GNPTAB: variants seen among roughly 807,000 people sequenced by gnomAD.
The protein encoded by GNPTAB is N-acetylglucosamine-1-phosphate transferase subunits alpha and beta.
In GNPTAB, 92 loss-of-function variants were observed where a neutral mutation model predicts 136.6. That is an observed-to-expected ratio of 0.67 (90% CI 0.57 to 0.80). The LOEUF (loss-of-function observed/expected upper bound fraction) is 0.80. GNPTAB is among the 30% of genes least tolerant of loss of function. The pLI is 0.00. For missense variants in GNPTAB, 1,343 were observed against 1,501.8 expected (o/e 0.89, Z 1.75); for synonymous variants, 512 against 535.1 (o/e 0.96, Z 0.60).
chr12:101,759,641 A>G (rs78535579), intron 16 of GNPTAB, among the ~76,000 whole-genome samples: 1,709 of 152,266 alleles, frequency 0.011, 40 homozygotes, highest in African/African-American at 0.039. Flanking sequence ...CCTACTGGTA[A>G]AATGGAGTAA....
intron 16 of GNPTAB, among the ~76,000 whole-genome samples, chr12:101,758,851 CT>C (rs1269949337): frequency 6.6e-6 from 1 of 152,160 alleles, no homozygotes; most frequent in East Asian, 1.9e-4. Context: ...AAAAATACCA[CT>C]TCATTCTGAT....
At chr12:101,802,634 C>T (rs1869712836) in intron 1 of GNPTAB, among the ~76,000 whole-genome samples, 1 of 152,116 alleles carries the variant, frequency 6.6e-6, no homozygotes, top group Admixed American at 6.5e-5. Flanking sequence ...ACTGGAAAAA[C>T]CTCCAGGCCT....
At chr12:101,792,420 T>A (rs1007788173) in intron 2 of GNPTAB, among the ~76,000 whole-genome samples, 10 of 152,214 alleles carry the variant, frequency 6.6e-5, no homozygotes, top group Non-Finnish European at 1.2e-4. Flanking sequence ...GATAGCTGAG[T>A]ACTTACCAAA....
chr12:101,811,938 G>A (rs1472562404), intron 1 of GNPTAB, among the ~76,000 whole-genome samples: 1 of 149,666 alleles, frequency 6.7e-6, no homozygotes, highest in Non-Finnish European at 1.5e-5. Context: ...GCGTCCGGCC[G>A]GTGCTACACA....
intron 6 of GNPTAB, 105 bp downstream of exon 6, chr12:101,780,452 G>A (rs1318431417): frequency 7.4e-6 from 8 of 1,077,684 alleles, no homozygotes; most frequent in African/African-American, 1.6e-5. Flanking sequence ...GCTACCCTTA[G>A]ATAAAAAATA....
rs1270082983 is a variant in GNPTAB, at chr12:101,764,425, G to A, written c.2492C>T (p.Thr831Ile). 2 of 1,613,022 alleles carry A rather than the reference G, an allele frequency of 1.2e-6. No individual in the cohort carries two copies. Among genetic ancestry groups the A allele is most frequent in the African/African-American group, 1.3e-5 (1 of 74,806 alleles). ...AATCAGAGATGGGGGCTTTTCTTTT[G>A]TCACATTTCCGCCTATGGTTTTTTG... ...HTQKTIGGNV[T>I]KEKPPSLIVP... The change falls in exon 13 of 21, where the codon ACA becomes ATA. Residue 831 changes from threonine to isoleucine, a missense_variant. By Grantham distance (89) the Thr-to-Ile change is moderately conservative. Coordinates refer to ENST00000299314, the MANE Select transcript of GNPTAB (RefSeq NM_024312.5).
At chr12:101,800,821 A>G (rs1242800890) in intron 1 of GNPTAB, among the ~76,000 whole-genome samples, 1 of 151,994 alleles carries the variant, frequency 6.6e-6, no homozygotes, top group Non-Finnish European at 1.5e-5. Context: ...CAGCAGCCCT[A>G]TAATTAAAAA....
At chr12:101,749,864 T>A (rs1029475300) in intron 19 of GNPTAB, among the ~76,000 whole-genome samples, 1 of 152,210 alleles carries the variant, frequency 6.6e-6, no homozygotes, top group Non-Finnish European at 1.5e-5. Flanking sequence ...CGAGAGGGTA[T>A]GAACTGCAGC....
At chr12:101,794,552 A>G (rs1395549487) in intron 2 of GNPTAB, among the ~76,000 whole-genome samples, 2 of 152,110 alleles carry the variant, frequency 1.3e-5, no homozygotes, top group Non-Finnish European at 2.9e-5. Flanking sequence ...AAATATATCA[A>G]TGTTATGGTA....
chr12:101,745,790 T>G lies in GNPTAB; in HGVS notation c.*1374A>C, dbSNP rs1000555828. ...GGCTTATGCCTGTAATCTCAGCACTTTGGGAGGCAGAGGCAGGTGGATCAC... is the reference window on the plus strand; with the variant it reads ...GGCTTATGCCTGTAATCTCAGCACTGTGGGAGGCAGAGGCAGGTGGATCAC... On this transcript the variant is annotated 3_prime_UTR_variant, in exon 21 of 21. Coordinates refer to ENST00000299314, the MANE Select transcript of GNPTAB (RefSeq NM_024312.5). 1 of 152,204 alleles carries G rather than the reference T, an allele frequency of 6.6e-6. No homozygotes were observed. Among genetic ancestry groups the G allele is most frequent in the African/African-American group, 2.4e-5 (1 of 41,426 alleles). The allele number at this position is 152,204 out of a possible 1,614,324, so 9.4% of individuals were successfully genotyped here.
chr12:101,785,904 A>C, intron 5 of GNPTAB, 108 bp downstream of exon 5: 1 of 903,020 alleles, frequency 1.1e-6, no homozygotes, highest in Non-Finnish European at 1.7e-6. Flanking sequence ...CATTTTTAGA[A>C]AAGTTTATCA....
chr12:101,787,607 A>C (rs1027343336), intron 4 of GNPTAB, among the ~76,000 whole-genome samples: 13 of 152,214 alleles, frequency 8.5e-5, no homozygotes, highest in African/African-American at 3.1e-4. Context: ...AATTAACATA[A>C]AAGATAGCTT....
At chr12:101,766,855 A>C (rs1353166312) in intron 11 of GNPTAB, among the ~76,000 whole-genome samples, 1 of 152,222 alleles carries the variant, frequency 6.6e-6, no homozygotes. Context: ...CAGGGCTTAC[A>C]TTTGCTCAAG....
intron 2 of GNPTAB, among the ~76,000 whole-genome samples, chr12:101,790,509 T>A (rs777009268): frequency 1.3e-5 from 2 of 152,200 alleles, no homozygotes; most frequent in African/African-American, 2.4e-5. Flanking sequence ...CTCACGCCTA[T>A]AACCACAGCA....
intron 18 of GNPTAB, among the ~76,000 whole-genome samples, chr12:101,755,947 C>G (rs773266216): frequency 6.6e-6 from 1 of 152,174 alleles, no homozygotes; most frequent in Non-Finnish European, 1.5e-5. Context: ...TAGGCTACAA[C>G]TAAAAACTGC....
chr12:101,788,574 T>G lies in GNPTAB; in HGVS notation c.339A>C (p.Lys113Asn), dbSNP rs778855437. ...EQKAMREILG[K>N]NTTEPTKKSE... ...TCTTCTTAGTAGGTTCCGTTGTGTT[T>G]TTCCCAAGGATTTCTCTAATAAAAA... The change falls in exon 4 of 21, where the codon AAA becomes AAC. Residue 113 changes from lysine to asparagine, a missense_variant. Physicochemically the swap from Lys to Asn is moderately conservative, Grantham distance 94 (BLOSUM62 0). Transcript: ENST00000299314. 6.4e-7 allele frequency: 1 copy of G among 1,563,236 alleles called. No homozygotes were observed. Among genetic ancestry groups the G allele is most frequent in the Non-Finnish European group, 8.8e-7 (1 of 1,133,624 alleles).
Position 101,771,029 on chromosome 12 carries a change from T to G in GNPTAB, c.900A>C (p.Ala300=), listed in dbSNP as rs375112988. 2.5e-6 allele frequency: 4 copies of G among 1,614,018 alleles called. No individual in the cohort carries two copies. Among genetic ancestry groups the G allele is most frequent in the Non-Finnish European group, 8.5e-7 (1 of 1,179,986 alleles). The change falls in exon 8 of 21, where the codon GCA becomes GCC. Residue 300 remains alanine, a synonymous_variant. Coordinates refer to ENST00000299314, the MANE Select transcript of GNPTAB (RefSeq NM_024312.5). ...TGGCGCTCAGATCCCATAATAAATA[T>G]GCAGGACTTATGGTCAGTTCTTTTC... The part of the protein sequence containing the change: ...IDGKELTISP[A]YLLWDLSAIS...
intron 1 of GNPTAB, among the ~76,000 whole-genome samples, chr12:101,826,506 ATTT>A (rs11311603): frequency 2.1e-5 from 3 of 142,142 alleles, no homozygotes; most frequent in African/African-American, 7.8e-5. Flanking sequence ...CTGATTTTTA[ATTT>A]TTTTTTTTTT....
chr12:101,800,433 T>C (rs921579116), intron 1 of GNPTAB, among the ~76,000 whole-genome samples: 2 of 151,974 alleles, frequency 1.3e-5, no homozygotes, highest in Non-Finnish European at 2.9e-5. Context: ...ATGGCCATCC[T>C]GGAGATCTTT....
Sources: allele counts gnomAD v4.1 joint callset (sites outside exome capture counted in the v4.1 genomes callset), GRCh38; gene constraint gnomAD v4.1.1; transcripts MANE v1.5; gene names NCBI Gene and HGNC (gene_info 2026-07-23, HGNC 2026-07-21).